SLC6A11: variants seen among roughly 807,000 people sequenced by gnomAD.
The protein encoded by SLC6A11 is sodium- and chloride-dependent GABA transporter 3.
SLC6A11 carries 25 observed loss-of-function variants against 74.8 expected under a neutral mutation model. The observed-to-expected ratio is 0.33, with a 90% CI of 0.24 to 0.47. SLC6A11 has a LOEUF of 0.47. Ranked by LOEUF, SLC6A11 falls within the 20% of genes least tolerant of loss-of-function variation. The probability of loss-of-function intolerance (pLI) is 1.00; values close to 1 mark genes in which losing one functional copy is unlikely to be tolerated. For missense variants in SLC6A11, 574 were observed against 837.0 expected, an observed-to-expected ratio of 0.69 and a Z score of 3.88; for synonymous variants, 330 against 330.2, an observed-to-expected ratio of 1.00 and a Z score of 0.01.
At chr3:10,823,450 C>T (rs1426728145) in intron 4 of SLC6A11, 58 bp downstream of exon 4, 2 of 1,176,426 alleles carry the variant, frequency 1.7e-6, no homozygotes, top group Admixed American at 3.4e-5. Context: ...TGGTTCTGCT[C>T]AGTTGGTCTT....
Position 10,875,104 on chromosome 3 carries a change from C to T in SLC6A11, c.891+9C>T, listed in dbSNP as rs200231993. The T allele has an allele frequency of 8.3e-5, 132 of 1,597,462 alleles. No individual in the cohort carries two copies. The highest frequency in any genetic ancestry group is 1.0e-4 in the Non-Finnish European group (122 of 1,168,942). Reference sequence around the variant, plus strand: ...GGCTCTCCGACCCCCAGGTAAGAGTCGCTTGCTCAATGTGCAGCATCACCC... The same window carrying T: ...GGCTCTCCGACCCCCAGGTAAGAGTTGCTTGCTCAATGTGCAGCATCACCC... On this transcript the variant is annotated intron_variant, in intron 6 of 13. Coordinates refer to ENST00000254488, the MANE Select transcript of SLC6A11 (RefSeq NM_014229.3).
chr3:10,819,675 A>C lies in SLC6A11; in HGVS notation c.392-37A>C, dbSNP rs1041041904. ...TGCAAAGGCAGATTGTTTTGAAAAG[A>C]TAGACTCAAATTCCTTCCTTTCTTT... On this transcript the variant is annotated intron_variant, in intron 2 of 13. Coordinates refer to ENST00000254488, the MANE Select transcript of SLC6A11 (RefSeq NM_014229.3). The C allele has an allele frequency of 1.9e-6, 3 of 1,611,404 alleles. No homozygotes were observed. The East Asian group carries it at 6.7e-5, about 36-fold the overall frequency.
At position 10,874,953 on chromosome 3, in the gene SLC6A11, G is replaced by A. The variant is rs1185689470; in HGVS notation, c.757-8G>A. On this transcript the variant is annotated splice_region_variant and splice_polypyrimidine_tract_variant and intron_variant, in intron 5 of 13. Transcript: ENST00000254488. ...CTTCTTGATTCTGTCCTCTCCTCTT[G>A]TGCACAGGTTGTATACGTGACTGCG... 1.9e-6 allele frequency: 3 copies of A among 1,602,440 alleles called. No individual in the cohort carries two copies. Among genetic ancestry groups the A allele is most frequent in the Non-Finnish European group, 2.6e-6 (3 of 1,172,638 alleles).
At chr3:10,833,394 G>A (rs1694323419) in intron 4 of SLC6A11, among the ~76,000 whole-genome samples, 1 of 152,160 alleles carries the variant, frequency 6.6e-6, no homozygotes, top group Non-Finnish European at 1.5e-5. Flanking sequence ...GTGGAGGCCC[G>A]AGGGAGAACC....
chr3:10,865,067 A>C (rs999519185), intron 5 of SLC6A11, among the ~76,000 whole-genome samples: 2 of 152,228 alleles, frequency 1.3e-5, no homozygotes, highest in Non-Finnish European at 2.9e-5. Context: ...GTTCTCTGCC[A>C]GCCAAGGCCA....
chr3:10,881,411 G>C (rs903140300), intron 6 of SLC6A11, among the ~76,000 whole-genome samples: 46 of 152,192 alleles, frequency 3.0e-4, no homozygotes, highest in African/African-American at 1.2e-4. Context: ...GCGAGACTCC[G>C]TCTCAAAAAT....
At chr3:10,866,788 C>A (rs75809138) in intron 5 of SLC6A11, among the ~76,000 whole-genome samples, 1 of 152,202 alleles carries the variant, frequency 6.6e-6, no homozygotes, top group African/African-American at 2.4e-5. Context: ...TTTACTATTT[C>A]TGTTAGAATG....
chr3:10,919,048 A>G (rs938310993), intron 8 of SLC6A11, among the ~76,000 whole-genome samples: 2 of 151,860 alleles, frequency 1.3e-5, no homozygotes, highest in African/African-American at 4.8e-5. Flanking sequence ...CTCCTCCCTC[A>G]GGGCCTTTGC....
At chr3:10,835,723 G>A (rs1194554561) in intron 4 of SLC6A11, among the ~76,000 whole-genome samples, 1 of 152,168 alleles carries the variant, frequency 6.6e-6, no homozygotes, top group African/African-American at 2.4e-5. Flanking sequence ...TGGAGCCTGA[G>A]TTTCCTCTGA....
chr3:10,863,813 A>G (rs1694732299), intron 5 of SLC6A11, among the ~76,000 whole-genome samples: 1 of 152,082 alleles, frequency 6.6e-6, no homozygotes, highest in Non-Finnish European at 1.5e-5. Flanking sequence ...ACACAGGAGG[A>G]CATGGTGTGA....
chr3:10,917,376 G>A (rs1249761164), intron 7 of SLC6A11, among the ~76,000 whole-genome samples: 2 of 152,170 alleles, frequency 1.3e-5, no homozygotes, highest in East Asian at 1.9e-4. Flanking sequence ...GAGGTCAGCC[G>A]GCCACCCGCA....
intron 6 of SLC6A11, among the ~76,000 whole-genome samples, chr3:10,876,685 T>C (rs1694910116): frequency 7.9e-6 from 1 of 126,984 alleles, no homozygotes; most frequent in African/African-American, 2.9e-5. Flanking sequence ...GTGATTCTTA[T>C]AATCAAAAAA....
At chr3:10,832,092 C>A (rs1467265003) in intron 4 of SLC6A11, among the ~76,000 whole-genome samples, 4 of 152,068 alleles carry the variant, frequency 2.6e-5, no homozygotes, top group African/African-American at 9.7e-5. Context: ...TGAATTAATG[C>A]CTGTAATGTA....
rs1242608064 is a variant in SLC6A11, at chr3:10,915,637, G to A, written c.996-2692G>A. Among the ~76,000 whole-genome samples the A allele has an allele frequency of 6.6e-6, 1 of 151,994 alleles. No homozygotes were observed. Among genetic ancestry groups the A allele is most frequent in the African/African-American group, 2.4e-5 (1 of 41,366 alleles). ...CCAGGCAGGGAAAATCCTCACTTCC[G>A]AAGACACCACTAAGCCCTGTCTGCT... On this transcript the variant is annotated intron_variant, in intron 7 of 13. Coordinates refer to ENST00000254488, the MANE Select transcript of SLC6A11 (RefSeq NM_014229.3). The surrounding 1 kb of genome is among the most constrained non-coding windows in gnomAD (Gnocchi z 4.3).
At chr3:10,820,962 A>G (rs1694131332) in intron 3 of SLC6A11, among the ~76,000 whole-genome samples, 1 of 152,176 alleles carries the variant, frequency 6.6e-6, no homozygotes. Flanking sequence ...AGTAGAAGGA[A>G]CAGCAGGTGG....
chr3:10,819,300 C>T lies in SLC6A11; in HGVS notation c.257-165C>T, dbSNP rs114042333. On this transcript the variant is annotated intron_variant, in intron 1 of 13. Coordinates refer to ENST00000254488, the MANE Select transcript of SLC6A11 (RefSeq NM_014229.3). ...GACTTGGAGATGTGAGGTAGACTTA[C>T]AGAAACCTAGCGCTGTTTTCTGACT... 2.0e-3 allele frequency among the ~76,000 whole-genome samples: 303 copies of T among 152,290 alleles called. 2 individuals carry two copies. Among genetic ancestry groups the T allele is most frequent in the African/African-American group, 7.0e-3 (293 of 41,562 alleles).
In SLC6A11 at chr3:10,939,222, T is replaced by G. The variant is rs1167842213; in HGVS notation, c.*820T>G. ...TATTGTAGAAATGGTGTGGTGTTGA[T>G]GTGTGTTTTCCCTAAAACTCTAATT... On this transcript the variant is annotated 3_prime_UTR_variant, in exon 14 of 14. Transcript: ENST00000254488. The G allele has an allele frequency of 1.3e-5, 2 of 152,224 alleles. No homozygotes were observed. Among genetic ancestry groups the G allele is most frequent in the African/African-American group, 4.8e-5 (2 of 41,442 alleles). 9.4% of individuals were successfully genotyped at this position (152,224 alleles called of 1,614,324 possible). A position where few individuals can be genotyped will look rare whatever the true frequency, so the allele number is the denominator to read the frequency against.
In SLC6A11 at chr3:10,888,177, G is replaced by A. The variant is rs113547954; in HGVS notation, c.891+13082G>A. Among the ~76,000 whole-genome samples, 874 of 152,302 alleles carry A rather than the reference G, an allele frequency of 5.7e-3. 9 individuals are homozygous for A. The highest frequency in any genetic ancestry group is 0.017 in the African/African-American group (693 of 41,566). On this transcript the variant is annotated intron_variant, in intron 6 of 13. Coordinates refer to ENST00000254488, the MANE Select transcript of SLC6A11 (RefSeq NM_014229.3). Reference sequence around the variant, plus strand: ...GTTAGGCGGAAGGCTCACCCTCTCTGAGCCTCAGTTTCATCTCTCGTAAGC... The same window carrying A: ...GTTAGGCGGAAGGCTCACCCTCTCTAAGCCTCAGTTTCATCTCTCGTAAGC...
chr3:10,876,946 C>T (rs563293911), intron 6 of SLC6A11, among the ~76,000 whole-genome samples: 2 of 152,204 alleles, frequency 1.3e-5, no homozygotes, highest in East Asian at 1.9e-4. Context: ...TGCCATGGAA[C>T]CTGAGTACCT....
Sources: allele counts gnomAD v4.1 joint callset (sites outside exome capture counted in the v4.1 genomes callset), GRCh38; gene constraint gnomAD v4.1.1; non-coding constraint Gnocchi (gnomAD v3.1); transcripts MANE v1.5; gene names NCBI Gene and HGNC (gene_info 2026-07-23, HGNC 2026-07-21).